Variants in DAB2IP observed in about 807,000 individuals in gnomAD.
DAB2IP encodes disabled homolog 2-interacting protein.
Under a neutral mutation model 107.2 loss-of-function variants are expected in DAB2IP, and 28 were observed. The observed-to-expected ratio is 0.26, with a 90% CI of 0.19 to 0.36. The LOEUF (loss-of-function observed/expected upper bound fraction) is 0.36. DAB2IP is among the 10% of genes least tolerant of loss of function. The pLI is 1.00. For synonymous variants in DAB2IP, 755 were observed against 706.4 expected (o/e 1.07, Z -1.09); for missense variants, 1,400 against 1,644.7 (o/e 0.85, Z 2.57).
intron 2 of DAB2IP, among the ~76,000 whole-genome samples, chr9:121,692,760 A>G (rs1341243780): frequency 6.6e-6 from 1 of 152,220 alleles, no homozygotes; most frequent in Non-Finnish European, 1.5e-5. Flanking sequence ...AGTGTCTGAC[A>G]TTCCATTAGT....
chr9:121,604,654 T>A (rs989059525), intron 1 of DAB2IP, among the ~76,000 whole-genome samples: 1 of 152,158 alleles, frequency 6.6e-6, no homozygotes, highest in African/African-American at 2.4e-5. Context: ...TTCACCTCCA[T>A]TTGTTCTCAT....
At chr9:121,570,998 C>T (rs1251947477) in intron 1 of DAB2IP, among the ~76,000 whole-genome samples, 3 of 152,066 alleles carry the variant, frequency 2.0e-5, no homozygotes, top group African/African-American at 7.3e-5. Context: ...TCCTCCTTCA[C>T]CCCTCACTCC....
At chr9:121,610,508 T>G (rs550169013) in intron 1 of DAB2IP, among the ~76,000 whole-genome samples, 1 of 151,986 alleles carries the variant, frequency 6.6e-6, no homozygotes, top group Non-Finnish European at 1.5e-5. Context: ...AGAGCCAGGG[T>G]TGGAATGCAG....
Position 121,651,780 on chromosome 9 carries a change from C to T in DAB2IP, c.5C>T (p.Ser2Phe), listed in dbSNP as rs1284159041. The T allele has an allele frequency of 4.3e-6, 6 of 1,379,680 alleles. No individual in the cohort carries two copies. Among genetic ancestry groups the T allele is most frequent in the South Asian group, 1.6e-5 (1 of 61,842 alleles). 85.5% of individuals were successfully genotyped at this position (1,379,680 alleles called of 1,614,324 possible). A position where few individuals can be genotyped will look rare whatever the true frequency, so the allele number is the denominator to read the frequency against. Residue 2 changes from serine (S) to phenylalanine (F), a missense_variant, in exon 1 of 16, where the codon TCC (serine) becomes TTC (phenylalanine). Ser to Phe is a radical substitution (Grantham distance 155). This residue lies in a region of DAB2IP where 283 missense variants were observed against 237.0 expected (regional missense o/e 1.19). Coordinates refer to ENST00000408936, the Ensembl canonical transcript of DAB2IP. This position sits in a 1 kb window ranked among gnomAD's most constrained non-coding sequence, Gnocchi z 5.1. ...CGGTGCCCGGCGGGCGGCAGCATGT[C>T]CGCGGGCGGCAGCGCCAGGAAGAGC...
chr9:121,743,416 T>C (rs1407958627), intron 3 of DAB2IP, among the ~76,000 whole-genome samples: 1 of 152,198 alleles, frequency 6.6e-6, no homozygotes. Flanking sequence ...TCATGAATTT[T>C]GGAGTTTCGT....
chr9:121,751,388 G>A (rs1833108212), intron 3 of DAB2IP: 1 of 153,306 alleles, frequency 6.5e-6, no homozygotes, highest in Admixed American at 6.5e-5. Flanking sequence ...AGAATTAAGT[G>A]GAACAGGTGG....
chr9:121,648,201 C>T (rs1408559623), upstream of DAB2IP, among the ~76,000 whole-genome samples: 1 of 152,120 alleles, frequency 6.6e-6, no homozygotes, highest in Non-Finnish European at 1.5e-5. Context: ...TCACAAATCA[C>T]CACTGAAGAA....
intron 3 of DAB2IP, among the ~76,000 whole-genome samples, chr9:121,724,876 G>T (rs1831144988): frequency 6.6e-6 from 1 of 152,134 alleles, no homozygotes; most frequent in South Asian, 2.1e-4. Context: ...AAAAAGGTGG[G>T]TAGGATTTTA....
chr9:121,589,916 C>CTTCCTTCCCT (rs1830390363), intron 1 of DAB2IP, among the ~76,000 whole-genome samples: 1 of 93,322 alleles, frequency 1.1e-5, no homozygotes. Flanking sequence ...CCCAGTCCTG[C>CTTCCTTCCCT]TCCCTTCCCT....
In DAB2IP at chr9:121,772,976, GCCAGGC is replaced by G; in HGVS notation, c.2450_2455del (p.Pro817_Gly818del). The G allele has an allele frequency of 6.2e-7, 1 of 1,601,344 alleles. No homozygotes were observed. The highest frequency in any genetic ancestry group is 8.5e-7 in the Non-Finnish European group (1 of 1,174,550). On this transcript the variant is annotated inframe_deletion, in exon 12 of 16. Transcript: ENST00000408936. The surrounding 1 kb of genome is among the most constrained non-coding windows in gnomAD (Gnocchi z 4.7). Reference sequence around the variant, plus strand: ...CCACACCAGGCACCTCCGAGGGCGCGCCAGGCCGGCCCCAGCTGTTGGCACCGCTCT... The same window carrying G: ...CCACACCAGGCACCTCCGAGGGCGCGCGGCCCCAGCTGTTGGCACCGCTCT...
In DAB2IP at chr9:121,633,037, C is replaced by T. The variant is rs148634642; in HGVS notation, c.41-45641C>T. Among the ~76,000 whole-genome samples the T allele has an allele frequency of 1.4e-4, 21 of 152,304 alleles. No individual in the cohort carries two copies. The highest frequency in any genetic ancestry group is 2.9e-4 in the African/African-American group (12 of 41,568). Reference sequence around the variant, plus strand: ...CCAGACTGAGGGGTTCCAGCTGCTCCGGGCAGTGGGAGCCCACTGATGCCG... The same window carrying T: ...CCAGACTGAGGGGTTCCAGCTGCTCTGGGCAGTGGGAGCCCACTGATGCCG... On this transcript the variant is annotated intron_variant, in intron 1 of 16. Transcript: ENST00000259371. This position sits in a 1 kb window ranked among gnomAD's most constrained non-coding sequence, Gnocchi z 5.1.
chr9:121,781,966 C>T (rs952368594), intron 15 of DAB2IP, among the ~76,000 whole-genome samples: 5 of 152,172 alleles, frequency 3.3e-5, no homozygotes, highest in South Asian at 2.1e-4. Flanking sequence ...AGGGCTGCAC[C>T]GCTTTCCTTT....
At chr9:121,762,371 C>T (rs1276780174) in intron 6 of DAB2IP, among the ~76,000 whole-genome samples, 2 of 152,124 alleles carry the variant, frequency 1.3e-5, no homozygotes, top group Non-Finnish European at 2.9e-5. Context: ...TGGAGGAGCC[C>T]CGGGGGAGAT....
rs750215630 is a variant in DAB2IP, at chr9:121,699,316, C to A, written c.229-9C>A. ...CCTCCCCTTCCCCCTCTTGTCCCCC[C>A]GTGCGCAGGGCTTCCTCAGCCGCCG... On this transcript the variant is annotated splice_polypyrimidine_tract_variant and intron_variant, in intron 2 of 15. Transcript: ENST00000408936. This position sits in a 1 kb window ranked among gnomAD's most constrained non-coding sequence, Gnocchi z 6.2. 4.8e-6 allele frequency: 7 copies of A among 1,443,872 alleles called. No individual in the cohort carries two copies. Among genetic ancestry groups the A allele is most frequent in the South Asian group, 1.3e-5 (1 of 75,770 alleles). 89.4% of individuals were successfully genotyped at this position (1,443,872 alleles called of 1,614,324 possible).
At chr9:121,677,926 T>C (rs1186979981) in intron 1 of DAB2IP, among the ~76,000 whole-genome samples, 1 of 152,174 alleles carries the variant, frequency 6.6e-6, no homozygotes, top group Non-Finnish European at 1.5e-5. Context: ...CCTTCCAAAG[T>C]GCTGGGATCA....
At position 121,773,104 on chromosome 9, in the gene DAB2IP, C is replaced by G; in HGVS notation, c.2576C>G (p.Ser859Ter). 6.2e-7 allele frequency: 1 copy of G among 1,612,472 alleles called. No homozygotes were observed. The highest frequency in any genetic ancestry group is 8.5e-7 in the Non-Finnish European group (1 of 1,179,832). Residue 859 changes from serine (S) to a stop codon, truncating the protein, a stop_gained, in exon 12 of 16, where the codon TCA becomes TGA. Coordinates refer to ENST00000408936, the Ensembl canonical transcript of DAB2IP. LOFTEE classifies it high-confidence loss of function. ...TCTGAGGGCCACAGCTCCCTGAGCT[C>G]ACACAGCAACAGCGAGGAGTTGGCG...
At chr9:121,754,446 G>T (rs1833337761) in intron 3 of DAB2IP, among the ~76,000 whole-genome samples, 1 of 152,176 alleles carries the variant, frequency 6.6e-6, no homozygotes, top group Non-Finnish European at 1.5e-5. Context: ...GGCCTGCCCT[G>T]CCCCTATTCC....
In DAB2IP at chr9:121,782,880, AGGG is replaced by A; in HGVS notation, c.*386_*388del. ...CTGTGCCAGGGAGGGGGCTTCCTGG[AGGG>A]GGGATTCAAGGGCTAGGGGCCTACA... On this transcript the variant is annotated 3_prime_UTR_variant, in exon 16 of 16. Coordinates refer to ENST00000408936, the Ensembl canonical transcript of DAB2IP. This position sits in a 1 kb window ranked among gnomAD's most constrained non-coding sequence, Gnocchi z 6.1. 1 of 1,044,706 alleles carries A rather than the reference AGGG, an allele frequency of 9.6e-7. No individual in the cohort carries two copies. The highest frequency in any genetic ancestry group is 3.9e-5 in the South Asian group (1 of 25,914). The allele number at this position is 1,044,706 out of a possible 1,614,324, so 64.7% of individuals were successfully genotyped here.
At position 121,760,818 on chromosome 9, in the gene DAB2IP, A is replaced by C. The variant is rs1833830508; in HGVS notation, c.1170+379A>C. On this transcript the variant is annotated intron_variant, in intron 6 of 15. Coordinates refer to ENST00000408936, the Ensembl canonical transcript of DAB2IP. The surrounding 1 kb of genome is among the most constrained non-coding windows in gnomAD (Gnocchi z 5.9). ...AACGCCACCAGCCGCAGTGAGCCAA[A>C]CACACGTCCCCTGTGGGGTATGGAG... Among the ~76,000 whole-genome samples, 1 of 152,174 alleles carries C rather than the reference A, an allele frequency of 6.6e-6. No homozygotes were observed. Among genetic ancestry groups the C allele is most frequent in the South Asian group, 2.1e-4 (1 of 4,824 alleles).
Sources: gnomAD v4.1 joint callset for allele counts (sites outside exome capture counted in the v4.1 genomes callset) on GRCh38, gnomAD v4.1.1 for gene constraint, gnomAD v4.1.1 regional missense constraint, Gnocchi (gnomAD v3.1) non-coding constraint, MANE v1.5 for transcripts, NCBI Gene and HGNC (gene_info 2026-07-23, HGNC 2026-07-21) for gene names.